Variants in BRD4 observed in about 807,000 individuals in gnomAD.
The protein encoded by BRD4 is bromodomain containing 4.
In BRD4, 16 loss-of-function variants were observed where a neutral mutation model predicts 142.1. The observed-to-expected ratio is 0.11, with a 90% CI of 0.08 to 0.17. BRD4 has a LOEUF of 0.17. BRD4 is among the 10% of genes least tolerant of loss of function. The pLI, the probability that BRD4 is intolerant of heterozygous loss-of-function variation, is 1.00. For synonymous variants in BRD4, 833 were observed against 707.5 expected (o/e 1.18, Z -2.82); for missense variants, 1,424 against 1,810.9 (o/e 0.79, Z 3.88).
chr19:15,260,677 T>C (rs2047459559), intron 7 of BRD4, among the ~76,000 whole-genome samples: 1 of 151,856 alleles, frequency 6.6e-6, no homozygotes, highest in South Asian at 2.1e-4. Flanking sequence ...GTCCGGCACC[T>C]GGAGCCCGTG....
chr19:15,247,448 G>C (rs1054384473), intron 11 of BRD4: 1 of 232,926 alleles, frequency 4.3e-6, no homozygotes, highest in Non-Finnish European at 8.5e-6. Context: ...AGCCCTGAAC[G>C]TTCTCTGCCA....
At chr19:15,244,928 G>A in intron 11 of BRD4, 166 bp from the exon 12 acceptor site, 1 of 1,262,146 alleles carries the variant, frequency 7.9e-7, no homozygotes, top group Non-Finnish European at 1.1e-6. Context: ...ACGGGAGAGG[G>A]AGAGACATGC....
chr19:15,325,365 C>A (rs1429422629), intron 1 of BRD4, among the ~76,000 whole-genome samples: 1 of 152,154 alleles, frequency 6.6e-6, no homozygotes, highest in African/African-American at 2.4e-5. Context: ...CCAAGCCCTC[C>A]AAGGTCACCC....
chr19:15,274,102 GA>G (rs2047620511), intron 1 of BRD4, among the ~76,000 whole-genome samples: 1 of 152,230 alleles, frequency 6.6e-6, no homozygotes, highest in South Asian at 2.1e-4. Context: ...AGGCCAGTGA[GA>G]TAGGAGAAGA....
At chr19:15,245,454 T>C (rs1317556400) in intron 11 of BRD4, among the ~76,000 whole-genome samples, 1 of 151,960 alleles carries the variant, frequency 6.6e-6, no homozygotes, top group African/African-American at 2.4e-5. Flanking sequence ...ACCTCAGAAG[T>C]CCCTGCTTTG....
rs112184222 is a variant in BRD4, at chr19:15,269,244, T to TG, written c.286-203dup. Reference sequence around the variant, plus strand: ...GGAGCGGGGAAGGGTTCCTGGATGCTGGGGAGTAATTCAGAGGGAAACGTA... The same window carrying TG: ...GGAGCGGGGAAGGGTTCCTGGATGCTGGGGGAGTAATTCAGAGGGAAACGTA... On this transcript the variant is annotated intron_variant, in intron 2 of 19. Coordinates refer to ENST00000679869, the MANE Select transcript of BRD4 (RefSeq NM_001379291.1). Among the ~76,000 whole-genome samples, 5,580 of 152,302 alleles carry TG rather than the reference T, an allele frequency of 0.037. 278 individuals are homozygous for TG. Among genetic ancestry groups the TG allele is most frequent in the African/African-American group, 0.11 (4,637 of 41,544 alleles).
Position 15,256,177 on chromosome 19 carries a change from C to A in BRD4, c.1638G>T (p.Lys546Asn), listed in dbSNP as rs761158744. The A allele has an allele frequency of 6.2e-7, 1 of 1,612,366 alleles. No individual in the cohort carries two copies. The highest frequency in any genetic ancestry group is 1.1e-5 in the South Asian group (1 of 90,944). The change falls in exon 9 of 20, where the codon AAG becomes AAT. Residue 546 changes from lysine (K) to asparagine (N), a missense_variant. Around this residue, in one of 16 missense-constraint regions of BRD4, gnomAD observed 86 missense variants for 78.9 expected, o/e 1.09. Transcript: ENST00000679869. ...CTTTCCTTTTGTGCTTTTCTTTTTT[C>A]TTTTCCTTCTTGTCTTTCTCCTTTT... is the stretch of plus-strand genomic sequence containing the variant. ...PKKKEKDKKEKKKEKHKRKEE... is the reference protein window; with the variant it reads ...PKKKEKDKKENKKEKHKRKEE...
At chr19:15,330,322 C>T (rs892510544) in intron 1 of BRD4, among the ~76,000 whole-genome samples, 3 of 152,182 alleles carry the variant, frequency 2.0e-5, no homozygotes, top group East Asian at 1.9e-4. Flanking sequence ...TTGCCTTCTC[C>T]ATTTGATCAA....
intron 4 of BRD4, 38 bp downstream of exon 4, chr19:15,267,378 G>C (rs557763508): frequency 1.2e-6 from 2 of 1,607,222 alleles, no homozygotes; most frequent in East Asian, 2.2e-5. Context: ...ACAAAGGTCG[G>C]GGAGAAAGCC....
intron 5 of BRD4, 35 bp downstream of exon 5, chr19:15,265,319 T>C (rs778444980): frequency 4.8e-6 from 7 of 1,465,352 alleles, no homozygotes; most frequent in Non-Finnish European, 6.3e-6. Flanking sequence ...CTCTCCTCCC[T>C]GGTGAAGCAG....
Position 15,273,001 on chromosome 19 carries a change from G to A in BRD4, c.99C>T (p.Ala33=), listed in dbSNP as rs1449626680. 1.2e-6 allele frequency: 2 copies of A among 1,614,004 alleles called. No homozygotes were observed. The highest frequency in any genetic ancestry group is 1.7e-5 in the Admixed American group (1 of 60,000). ...TSQMSTTQAQ[A]QPQPANAAST... ...TGGCTGCGTTGGCTGGCTGGGGTTGGGCCTGGGCCTGTGTTGTAGACATTT... is the reference window on the plus strand; with the variant it reads ...TGGCTGCGTTGGCTGGCTGGGGTTGAGCCTGGGCCTGTGTTGTAGACATTT... The change falls in exon 2 of 20, where the codon GCC becomes GCT. Residue 33 remains alanine (A), a synonymous_variant. Coordinates refer to ENST00000679869, the MANE Select transcript of BRD4 (RefSeq NM_001379291.1).
intron 1 of BRD4, among the ~76,000 whole-genome samples, chr19:15,300,696 T>C (rs905411937): frequency 2.0e-5 from 3 of 150,540 alleles, no homozygotes; most frequent in Admixed American, 2.0e-4. Flanking sequence ...TCACTAGTCA[T>C]GAAGAAATAC....
rs889929488 is a variant in BRD4 at position 15,264,679 on chromosome 19, G to T, written c.937C>A (p.Pro313Thr). ...IHEPPSLPPE[P>T]KTTKLGQRRE... Reference sequence around the variant, plus strand: ...CGCTGGCCCAGCTTGGTGGTCTTGGGCTCCGGGGGCAGCGAGGGTGGCTCG... The same window carrying T: ...CGCTGGCCCAGCTTGGTGGTCTTGGTCTCCGGGGGCAGCGAGGGTGGCTCG... Residue 313 changes from proline to threonine, a missense_variant, in exon 6 of 20, where the codon CCC (proline) becomes ACC (threonine). This residue lies in a region of BRD4 where 86 missense variants were observed against 79.9 expected (regional missense o/e 1.08). Coordinates refer to ENST00000679869, the MANE Select transcript of BRD4 (RefSeq NM_001379291.1). 4 of 1,613,558 alleles carry T rather than the reference G, an allele frequency of 2.5e-6. No individual in the cohort carries two copies. The highest frequency in any genetic ancestry group is 1.7e-5 in the Admixed American group (1 of 60,020).
chr19:15,304,625 G>A (rs576996013), intron 1 of BRD4, among the ~76,000 whole-genome samples: 27 of 152,226 alleles, frequency 1.8e-4, no homozygotes, highest in African/African-American at 5.8e-4. Flanking sequence ...CCAGTTAAGC[G>A]CCAACTTTCC....
chr19:15,258,515 C>A (rs1300742671), intron 7 of BRD4, among the ~76,000 whole-genome samples: 2 of 151,808 alleles, frequency 1.3e-5, no homozygotes, highest in African/African-American at 4.8e-5. Context: ...AACTCCTGAC[C>A]TCAACAGATC....
At chr19:15,330,405 T>A (rs908536055) in intron 1 of BRD4, among the ~76,000 whole-genome samples, 1 of 152,152 alleles carries the variant, frequency 6.6e-6, no homozygotes, top group African/African-American at 2.4e-5. Context: ...CTACAACGCA[T>A]CAGTGATAAG....
At chr19:15,247,309 G>A (rs767099522) in intron 11 of BRD4, 3 of 231,844 alleles carry the variant, frequency 1.3e-5, no homozygotes, top group Admixed American at 5.6e-5. Context: ...CTGGTGCGTC[G>A]AGGCCCGGCT....
chr19:15,254,445 T>A (rs1163860665), intron 10 of BRD4, among the ~76,000 whole-genome samples, 183 bp from the exon 11 acceptor site: 1 of 152,156 alleles, frequency 6.6e-6, no homozygotes, highest in African/African-American at 2.4e-5. Context: ...ACAGTTCCCA[T>A]GGGTAGACTG....
chr19:15,273,502 C>T (rs577868801), intron 1 of BRD4, among the ~76,000 whole-genome samples: 106 of 152,320 alleles, frequency 7.0e-4, no homozygotes, highest in African/African-American at 2.5e-3. Flanking sequence ...GAGATGCTGC[C>T]TGTGTGTGGA....
Sources: gnomAD v4.1 joint callset for allele counts (sites outside exome capture counted in the v4.1 genomes callset) on GRCh38, gnomAD v4.1.1 for gene constraint, gnomAD v4.1.1 regional missense constraint, MANE v1.5 for transcripts, NCBI Gene and HGNC (gene_info 2026-07-23, HGNC 2026-07-21) for gene names.